Variants in SIPA1L1 observed in about 807,000 individuals in gnomAD.
SIPA1L1 encodes signal induced proliferation associated 1 like 1, also known as signal-induced proliferation-associated 1-like protein 1.
Under a neutral mutation model 162.7 loss-of-function variants are expected in SIPA1L1, and 26 were observed. The observed-to-expected ratio is 0.16, with a 90% CI of 0.12 to 0.22. The LOEUF is 0.22. SIPA1L1 is among the 10% of genes least tolerant of loss of function. SIPA1L1 has a pLI of 1.00. For missense variants in SIPA1L1, 1,874 were observed against 2,241.0 expected (o/e 0.84, Z 3.31); for synonymous variants, 829 against 837.4 (o/e 0.99, Z 0.17).
chr14:71,347,904 A>G (rs1039086783), intron 2 of SIPA1L1, among the ~76,000 whole-genome samples: 113 of 152,020 alleles, frequency 7.4e-4, no homozygotes, highest in Admixed American at 7.4e-3. Flanking sequence ...CTTTTATTAG[A>G]TTTGCAAAAT....
chr14:71,562,897 C>T (rs1003966957), intron 4 of SIPA1L1, among the ~76,000 whole-genome samples: 4 of 152,130 alleles, frequency 2.6e-5, no homozygotes, highest in African/African-American at 4.8e-5. Flanking sequence ...TCAAGTGATC[C>T]GCCCGCCTCG....
intron 2 of SIPA1L1, among the ~76,000 whole-genome samples, chr14:71,459,374 G>A (rs1371629703): frequency 6.6e-6 from 1 of 152,124 alleles, no homozygotes; most frequent in Non-Finnish European, 1.5e-5. Context: ...AGGGGAAAAG[G>A]ATGGGGCTTG....
Position 71,702,452 on chromosome 14 carries a change from G to A in SIPA1L1, c.3593G>A (p.Gly1198Glu), listed in dbSNP as rs776783821. ...QNTQSDIGGS[G>E]KSTPSWQRSE... is the part of the protein sequence containing the mutation. Reference sequence around the variant, plus strand: ...ACCCAGTCAGATATTGGTGGCAGCGGAAAATCCACGCCTAGCTGGCAAAGA... The same window carrying A: ...ACCCAGTCAGATATTGGTGGCAGCGAAAAATCCACGCCTAGCTGGCAAAGA... Residue 1198 changes from glycine (G) to glutamate (E), a missense_variant, in exon 15 of 24, where the codon GGA becomes GAA. Physicochemically the swap from Gly to Glu is moderately conservative, Grantham distance 98. Coordinates refer to ENST00000381232, the MANE Select transcript of SIPA1L1 (RefSeq NM_001386936.1). The A allele has an allele frequency of 6.2e-7, 1 of 1,614,158 alleles. No individual in the cohort carries two copies. The highest frequency in any genetic ancestry group is 8.5e-7 in the Non-Finnish European group (1 of 1,180,002).
intron 4 of SIPA1L1, among the ~76,000 whole-genome samples, chr14:71,530,355 A>G (rs1329335868): frequency 8.5e-6 from 1 of 117,150 alleles, no homozygotes; most frequent in African/African-American, 3.4e-5. Context: ...CCACACCCCC[A>G]GAAGGTTTTG....
At chr14:71,545,416 A>G (rs2055099059) in intron 4 of SIPA1L1, among the ~76,000 whole-genome samples, 1 of 152,162 alleles carries the variant, frequency 6.6e-6, no homozygotes, top group African/African-American at 2.4e-5. Flanking sequence ...TTCATTAGAT[A>G]TAGATTTTCA....
Position 71,624,246 on chromosome 14 carries a change from C to T in SIPA1L1, c.1818+10C>T, listed in dbSNP as rs766097950. The stretch of plus-strand genomic sequence containing the variant: ...ACTGGATGAACAAGGGGTGAGTTTG[C>T]CTTTCTGAGGAGAGCATTCTTGCTC... On this transcript the variant is annotated intron_variant, in intron 7 of 23. Transcript: ENST00000381232. The T allele has an allele frequency of 1.9e-6, 3 of 1,602,322 alleles. No homozygotes were observed. The highest frequency in any genetic ancestry group is 2.6e-6 in the Non-Finnish European group (3 of 1,172,448).
In SIPA1L1 at chr14:71,624,027, C is replaced by T. The variant is rs201694428; in HGVS notation, c.1630-21C>T. 610 of 1,576,190 alleles carry T rather than the reference C, an allele frequency of 3.9e-4. 2 individuals are homozygous for T. In the Middle Eastern group the frequency reaches 5.7e-3, roughly 15 times the overall value. ...ATCTCACATCCCAGAAGCCTCACCA[C>T]AGCACCTGTCTCTCTTGCAGCTCAT... On this transcript the variant is annotated intron_variant, in intron 6 of 23. Transcript: ENST00000381232.
intron 4 of SIPA1L1, among the ~76,000 whole-genome samples, chr14:71,556,904 T>G (rs538643812): frequency 1.3e-5 from 2 of 152,224 alleles, no homozygotes; most frequent in Non-Finnish European, 2.9e-5. Flanking sequence ...CCGTAGGATA[T>G]GGAGCAGGAC....
At chr14:71,674,570 G>T (rs796660115) in intron 12 of SIPA1L1, among the ~76,000 whole-genome samples, 1,879 of 113,562 alleles carry the variant, frequency 0.017, 37 homozygotes, top group African/African-American at 0.056. Context: ...GTTTTTTTTT[G>T]TTTTTTTTTT....
chr14:71,622,315 A>T (rs2039534956), intron 6 of SIPA1L1, among the ~76,000 whole-genome samples: 2 of 152,250 alleles, frequency 1.3e-5, no homozygotes, highest in South Asian at 4.1e-4. Context: ...GTTTTTAAGC[A>T]TAGGAACACG....
intron 7 of SIPA1L1, among the ~76,000 whole-genome samples, chr14:71,626,030 T>C (rs1310354850): frequency 6.6e-6 from 1 of 152,170 alleles, no homozygotes; most frequent in Admixed American, 6.5e-5. Flanking sequence ...ATAAGAACAC[T>C]ATAAAGAGTT....
chr14:71,730,078 G>C lies in SIPA1L1; in HGVS notation c.4638G>C (p.Gln1546His). 3 of 1,614,066 alleles carry C rather than the reference G, an allele frequency of 1.9e-6. No individual in the cohort carries two copies. The highest frequency in any genetic ancestry group is 2.5e-6 in the Non-Finnish European group (3 of 1,180,020). Residue 1546 changes from glutamine to histidine, a missense_variant, in exon 20 of 24, where the codon CAG becomes CAC. This residue lies in a region of SIPA1L1 where 936 missense variants were observed against 1,051.9 expected (regional missense o/e 0.89). Coordinates refer to ENST00000381232, the MANE Select transcript of SIPA1L1 (RefSeq NM_001386936.1). ...AGTTCCACGCACTCTCCTCTCCTCA[G>C]TCTCCTTTCCCCAGCACCCCCACCT... ...SFKFHALSSP[Q>H]SPFPSTPTSR...
At chr14:71,382,649 G>A (rs2039999815) in intron 2 of SIPA1L1, among the ~76,000 whole-genome samples, 2 of 151,986 alleles carry the variant, frequency 1.3e-5, no homozygotes, top group Admixed American at 1.3e-4. Context: ...TTTCTCCCTC[G>A]GTAAGGGTTT....
chr14:71,682,276 A>G (rs991626955), intron 12 of SIPA1L1, among the ~76,000 whole-genome samples: 4 of 152,256 alleles, frequency 2.6e-5, no homozygotes, highest in African/African-American at 9.6e-5. Flanking sequence ...GTTCATCAAC[A>G]CAGAATTTTA....
chr14:71,454,242 A>G (rs968875866), intron 2 of SIPA1L1, among the ~76,000 whole-genome samples: 1 of 152,246 alleles, frequency 6.6e-6, no homozygotes, highest in South Asian at 2.1e-4. Context: ...GAGGTCACAT[A>G]ATTAGAAAGG....
intron 2 of SIPA1L1, among the ~76,000 whole-genome samples, chr14:71,341,419 G>A (rs1363727019): frequency 2.6e-5 from 4 of 152,170 alleles, no homozygotes; most frequent in African/African-American, 9.7e-5. Flanking sequence ...TTATCGGGCT[G>A]TCATCAAGTC....
Position 71,699,123 on chromosome 14 carries a change from G to A in SIPA1L1, c.3517G>A (p.Glu1173Lys), listed in dbSNP as rs772413871. The change falls in exon 14 of 24, where the codon GAA becomes AAA. Residue 1173 changes from glutamate (E) to lysine (K), a missense_variant. Physicochemically the swap from Glu to Lys is moderately conservative, Grantham distance 56 (BLOSUM62 1). Transcript: ENST00000381232. ...GGTYRQKSMP[E>K]GFGVSRRSPA... ...CACTTACAGGCAGAAGTCCATGCCC[G>A]AAGGGTAGTTATGCGTTTGTCCCAT... is the stretch of plus-strand genomic sequence containing the variant. 33 of 1,613,944 alleles carry A rather than the reference G, an allele frequency of 2.0e-5. No homozygotes were observed. The highest frequency in any genetic ancestry group is 2.4e-5 in the Non-Finnish European group (28 of 1,179,928).
At chr14:71,417,469 C>CAAA (rs58628136) in intron 2 of SIPA1L1, among the ~76,000 whole-genome samples, 768 of 17,748 alleles carry the variant, frequency 0.043, 252 homozygotes, top group African/African-American at 0.073. Context: ...GACTCCGTCT[C>CAAA]AAAAAAAAAA....
chr14:71,504,808 T>C (rs529302138), intron 2 of SIPA1L1, among the ~76,000 whole-genome samples: 2 of 152,348 alleles, frequency 1.3e-5, no homozygotes, highest in African/African-American at 4.8e-5. Context: ...AACTTGGGAC[T>C]TCTACCTTTT....
Sources: gnomAD v4.1 joint callset for allele counts (sites outside exome capture counted in the v4.1 genomes callset) on GRCh38, gnomAD v4.1.1 for gene constraint, gnomAD v4.1.1 regional missense constraint, MANE v1.5 for transcripts, NCBI Gene and HGNC (gene_info 2026-07-23, HGNC 2026-07-21) for gene names.